AUTS2: variants seen among roughly 807,000 people sequenced by gnomAD.
The protein encoded by AUTS2 is autism susceptibility gene 2 protein.
A neutral mutation model predicts 112.4 loss-of-function variants in AUTS2; 17 were observed. The ratio of observed to expected loss-of-function variants is 0.15; its 90% CI spans 0.10 to 0.23. AUTS2 has a LOEUF of 0.23. Among genes scored for constraint, AUTS2 ranks in the 10% least tolerant of loss-of-function variants. The pLI is 1.00. For missense variants in AUTS2, 1,510 were observed against 1,701.6 expected, an observed-to-expected ratio of 0.89 and a Z score of 1.98; for synonymous variants, 751 against 702.7, an observed-to-expected ratio of 1.07 and a Z score of -1.09.
At chr7:70,683,287 G>A (rs1342761078) in intron 5 of AUTS2, among the ~76,000 whole-genome samples, 1 of 152,218 alleles carries the variant, frequency 6.6e-6, no homozygotes, top group Non-Finnish European at 1.5e-5. Context: ...TTGAGATAAT[G>A]TCTTCATTCT....
intron 5 of AUTS2, among the ~76,000 whole-genome samples, chr7:70,675,772 C>T (rs572151602): frequency 6.6e-6 from 1 of 152,306 alleles, no homozygotes; most frequent in South Asian, 2.1e-4. Flanking sequence ...TCTCACAGAA[C>T]GGCGTCTGGG....
intron 5 of AUTS2, among the ~76,000 whole-genome samples, chr7:70,558,572 A>C (rs769742519): frequency 6.6e-6 from 1 of 152,224 alleles, no homozygotes; most frequent in Non-Finnish European, 1.5e-5. Flanking sequence ...CTTGTATGGA[A>C]GCAGGGGAGA....
chr7:70,302,451 T>C (rs1789261311), intron 4 of AUTS2, among the ~76,000 whole-genome samples: 1 of 152,122 alleles, frequency 6.6e-6, no homozygotes, highest in Non-Finnish European at 1.5e-5. Flanking sequence ...TGGGCTTGAA[T>C]ACTATAACTA....
At chr7:69,892,989 G>T (rs1004577420) in intron 1 of AUTS2, among the ~76,000 whole-genome samples, 6 of 152,184 alleles carry the variant, frequency 3.9e-5, no homozygotes, top group African/African-American at 7.2e-5. Context: ...TGGTGTGAAA[G>T]ATGGCACTAC....
At chr7:69,921,762 T>TAAAA (rs35008506) in intron 2 of AUTS2, among the ~76,000 whole-genome samples, 1 of 100,554 alleles carries the variant, frequency 9.9e-6, no homozygotes, top group Non-Finnish European at 2.0e-5. Context: ...ACTCTGTCTT[T>TAAAA]AAAAAAAAAA....
chr7:70,673,399 CTT>C (rs1807749634), intron 5 of AUTS2, among the ~76,000 whole-genome samples: 3 of 149,790 alleles, frequency 2.0e-5, no homozygotes, highest in African/African-American at 7.4e-5. Flanking sequence ...CAGGGTCTCT[CTT>C]TGTCTCCCAG....
chr7:70,515,975 C>A (rs189003572), intron 5 of AUTS2, among the ~76,000 whole-genome samples: 1 of 152,270 alleles, frequency 6.6e-6, no homozygotes, highest in Non-Finnish European at 1.5e-5. Context: ...ATTTCATGGC[C>A]GCTGGGCCCA....
At chr7:70,033,191 A>G (rs1800857703) in intron 2 of AUTS2, among the ~76,000 whole-genome samples, 1 of 152,212 alleles carries the variant, frequency 6.6e-6, no homozygotes, top group Non-Finnish European at 1.5e-5. Flanking sequence ...GTATGTATGC[A>G]AATTACATCT....
chr7:70,302,977 C>A (rs1789292668), intron 4 of AUTS2, among the ~76,000 whole-genome samples: 1 of 149,654 alleles, frequency 6.7e-6, no homozygotes, highest in Non-Finnish European at 1.5e-5. Context: ...AAACCAGCAT[C>A]TAGCCAAGGC....
chr7:69,808,703 C>G (rs905920628), intron 1 of AUTS2, among the ~76,000 whole-genome samples: 1 of 152,124 alleles, frequency 6.6e-6, no homozygotes, highest in African/African-American at 2.4e-5. Flanking sequence ...GCATATAGCC[C>G]AAGCAGGAGC....
At chr7:70,004,446 C>CA (rs1456235220) in intron 2 of AUTS2, among the ~76,000 whole-genome samples, 7 of 131,812 alleles carry the variant, frequency 5.3e-5, no homozygotes, top group Non-Finnish European at 9.4e-5. Context: ...TATAAAATGC[C>CA]ATAAGCCATA....
chr7:70,643,165 T>C lies in AUTS2; in HGVS notation c.691-55404T>C, dbSNP rs573692684. Among the ~76,000 whole-genome samples, 9 of 152,338 alleles carry C rather than the reference T, an allele frequency of 5.9e-5. No homozygotes were observed. The East Asian group carries it at 1.5e-3, about 26-fold the overall frequency. ...TCTGATGGCTCTCGCCACTTTTGCA[T>C]GACAATGATACTGGACTATGTCTCC... On this transcript the variant is annotated intron_variant, in intron 5 of 18. Coordinates refer to ENST00000342771, the MANE Select transcript of AUTS2 (RefSeq NM_015570.4).
chr7:70,731,653 T>A (rs1418623499), intron 6 of AUTS2, among the ~76,000 whole-genome samples: 6 of 151,900 alleles, frequency 3.9e-5, no homozygotes, highest in African/African-American at 1.4e-4. Flanking sequence ...ATGGTCTCGA[T>A]CTCCTGACCT....
chr7:70,182,264 C>A (rs1809358219), intron 4 of AUTS2, among the ~76,000 whole-genome samples: 1 of 152,232 alleles, frequency 6.6e-6, no homozygotes, highest in African/African-American at 2.4e-5. Context: ...ATACACCTTT[C>A]AGATGCCAGT....
intron 5 of AUTS2, among the ~76,000 whole-genome samples, chr7:70,639,968 C>G (rs982431530): frequency 7.2e-6 from 1 of 137,986 alleles, no homozygotes. Flanking sequence ...GATTAGCAGT[C>G]TTGTGTTTTA....
At chr7:69,884,375 TTAGA>T (rs1211538293) in intron 1 of AUTS2, among the ~76,000 whole-genome samples, 1 of 152,212 alleles carries the variant, frequency 6.6e-6, no homozygotes, top group Non-Finnish European at 1.5e-5. Flanking sequence ...CTATTGCCTA[TTAGA>T]TAAACACAGA....
chr7:69,825,082 A>G lies in AUTS2; in HGVS notation c.310-74204A>G, dbSNP rs1791180869. Among the ~76,000 whole-genome samples the G allele has an allele frequency of 2.6e-5, 4 of 152,340 alleles. No individual in the cohort carries two copies. In the South Asian group the frequency reaches 8.3e-4, roughly 32 times the overall value. ...TAGAAAGAAATTTCTTTATTTAGCC[A>G]GTAAGTAGAGCTTTCTTTAGCGTTT... On this transcript the variant is annotated intron_variant, in intron 1 of 18. Transcript: ENST00000342771.
At chr7:70,194,705 G>C (rs1810085069) in intron 4 of AUTS2, 1 of 152,178 alleles carries the variant, frequency 6.6e-6, no homozygotes, top group Non-Finnish European at 1.5e-5. Flanking sequence ...AATAATAACT[G>C]TCTTCAGTGG....
intron 2 of AUTS2, among the ~76,000 whole-genome samples, chr7:70,005,611 AG>A (rs780841747): frequency 1.1e-4 from 17 of 152,028 alleles, no homozygotes; most frequent in Admixed American, 6.6e-4. Context: ...TTGCTCAAAG[AG>A]GGAAGTTTGG....
Sources: gnomAD v4.1 joint callset for allele counts (sites outside exome capture counted in the v4.1 genomes callset) on GRCh38, gnomAD v4.1.1 for gene constraint, MANE v1.5 for transcripts, NCBI Gene and HGNC (gene_info 2026-07-23, HGNC 2026-07-21) for gene names.